The following FAF1 variants were observed in gnomAD, a reference collection of about 807,000 sequenced individuals.
FAF1 encodes the protein FAS-associated factor 1.
In FAF1, 25 loss-of-function variants were observed where a neutral mutation model predicts 92.5. The ratio of observed to expected loss-of-function variants is 0.27; its 90% CI spans 0.20 to 0.38. The LOEUF is 0.38. Among genes scored for constraint, FAF1 ranks in the 10% least tolerant of loss-of-function variants. FAF1 has a pLI of 1.00. For synonymous variants in FAF1, 234 were observed against 273.2 expected (o/e 0.86, Z 1.42); for missense variants, 636 against 793.3 (o/e 0.80, Z 2.38).
intron 17 of FAF1, among the ~76,000 whole-genome samples, chr1:50,487,917 T>C (rs756570836): frequency 1.4e-4 from 21 of 152,206 alleles, no homozygotes; most frequent in Non-Finnish European, 1.3e-4. Flanking sequence ...ATATAATCTT[T>C]CTGGGTCTCA....
At chr1:50,955,227 T>G (rs536585072) in intron 1 of FAF1, among the ~76,000 whole-genome samples, 2 of 152,212 alleles carry the variant, frequency 1.3e-5, no homozygotes, top group Admixed American at 1.3e-4. Flanking sequence ...AGTTATTCTA[T>G]AGTTACAAAA....
At chr1:50,627,265 A>AT (rs1653547987) in intron 8 of FAF1, among the ~76,000 whole-genome samples, 1 of 152,178 alleles carries the variant, frequency 6.6e-6, no homozygotes, top group Non-Finnish European at 1.5e-5. Flanking sequence ...TGAGTCTTAA[A>AT]GAACTCCTAT....
intron 18 of FAF1, chr1:50,452,024 G>A: frequency 7.8e-7 from 1 of 1,276,042 alleles, no homozygotes; most frequent in East Asian, 4.8e-5. Context: ...GACAATATAA[G>A]TGGGGAAGGC....
chr1:50,551,887 C>T (rs12071516), intron 13 of FAF1, among the ~76,000 whole-genome samples: 7,718 of 152,212 alleles, frequency 0.051, 644 homozygotes, highest in African/African-American at 0.17. Context: ...AAATAAAATA[C>T]TTACATGTAG....
At chr1:50,953,437 A>G (rs1410617355) in intron 1 of FAF1, among the ~76,000 whole-genome samples, 2 of 151,518 alleles carry the variant, frequency 1.3e-5, no homozygotes, top group Admixed American at 6.6e-5. Context: ...TTAAAAAAAG[A>G]AAAAAAAGAA....
In FAF1 at chr1:50,626,633, T is replaced by G. The variant is rs577403355; in HGVS notation, c.744+28809A>C. 6.6e-5 allele frequency among the ~76,000 whole-genome samples: 10 copies of G among 152,244 alleles called. No individual in the cohort carries two copies. The East Asian group carries it at 1.7e-3, about 26-fold the overall frequency. On this transcript the variant is annotated intron_variant, in intron 8 of 18. Coordinates refer to ENST00000396153, the MANE Select transcript of FAF1 (RefSeq NM_007051.3). The stretch of plus-strand genomic sequence containing the variant: ...AGCAAGAATCAGACTATGCAGTGCC[T>G]GGTTAGTCATATTAAGGGGTCCGGT...
In FAF1 at chr1:50,836,170, G is replaced by GTTTTTTTTTTTTTTTTTTTTTTTTTT. The variant is rs36053491; in HGVS notation, c.114+21758_114+21759insAAAAAAAAAAAAAAAAAAAAAAAAAA. Among the ~76,000 whole-genome samples, 22 of 98,522 alleles carry GTTTTTTTTTTTTTTTTTTTTTTTTTT rather than the reference G, an allele frequency of 2.2e-4. 1 individual carries two copies. Among genetic ancestry groups the GTTTTTTTTTTTTTTTTTTTTTTTTTT allele is most frequent in the African/African-American group, 4.7e-4 (11 of 23,468 alleles). The allele number at this position is 98,522 out of a possible 152,430, so 64.6% of individuals were successfully genotyped here. ...GTGTGTGTTTTTGTTTTTTGTTTCTGTTTTTTTTTTTTTTTTTTTAGACAG... is the reference window on the plus strand; with the variant it reads ...GTGTGTGTTTTTGTTTTTTGTTTCTGTTTTTTTTTTTTTTTTTTTTTTTTTTTTTTTTTTTTTTTTTTTTTAGACAG... On this transcript the variant is annotated intron_variant, in intron 2 of 18. Transcript: ENST00000396153.
intron 8 of FAF1, among the ~76,000 whole-genome samples, chr1:50,646,414 A>G (rs1354633467): frequency 6.6e-6 from 1 of 152,226 alleles, no homozygotes; most frequent in Admixed American, 6.5e-5. Flanking sequence ...ATACTCATAC[A>G]AATCGATCCT....
At chr1:50,756,631 T>A (rs892169548) in intron 4 of FAF1, among the ~76,000 whole-genome samples, 1 of 152,186 alleles carries the variant, frequency 6.6e-6, no homozygotes, top group African/African-American at 2.4e-5. Flanking sequence ...ACGCTGCTGA[T>A]AAAGACATAC....
chr1:50,699,420 A>G (rs1400853017), intron 7 of FAF1, among the ~76,000 whole-genome samples: 1 of 152,088 alleles, frequency 6.6e-6, no homozygotes, highest in African/African-American at 2.4e-5. Flanking sequence ...ATATTGTTTG[A>G]AAGCATATTC....
At chr1:50,446,356 A>C (rs530003387) in intron 18 of FAF1, among the ~76,000 whole-genome samples, 1 of 152,322 alleles carries the variant, frequency 6.6e-6, no homozygotes, top group South Asian at 2.1e-4. Context: ...TAAAAATCCC[A>C]AATATTTCAA....
intron 6 of FAF1, among the ~76,000 whole-genome samples, chr1:50,732,846 G>A (rs777010144): frequency 1.4e-4 from 21 of 149,558 alleles, no homozygotes; most frequent in South Asian, 2.1e-4. Flanking sequence ...TATTGACTGA[G>A]TTCCTCATTC....
At chr1:50,780,887 C>T (rs922451447) in intron 4 of FAF1, 15 of 478,882 alleles carry the variant, frequency 3.1e-5, no homozygotes, top group Admixed American at 3.1e-4. Context: ...GTGGTGGAAG[C>T]CAAACACATG....
intron 2 of FAF1, among the ~76,000 whole-genome samples, chr1:50,824,848 A>G (rs1369158851): frequency 6.6e-6 from 1 of 152,156 alleles, no homozygotes; most frequent in East Asian, 1.9e-4. Context: ...AGCCAGGTAC[A>G]AGGAGACAAA....
chr1:50,867,299 C>A (rs1644489370), intron 1 of FAF1, among the ~76,000 whole-genome samples: 1 of 152,118 alleles, frequency 6.6e-6, no homozygotes, highest in Admixed American at 6.6e-5. Context: ...ACCAAGAACA[C>A]AAAAGCAAAT....
chr1:50,895,624 A>G (rs567338975), intron 1 of FAF1, among the ~76,000 whole-genome samples: 43 of 152,330 alleles, frequency 2.8e-4, no homozygotes, highest in African/African-American at 1.0e-3. Context: ...CCTGATGAAC[A>G]TTGACGCAAA....
intron 1 of FAF1, among the ~76,000 whole-genome samples, chr1:50,922,458 C>A (rs1400331948): frequency 2.2e-3 from 81 of 37,266 alleles, no homozygotes; most frequent in Admixed American, 2.5e-3. Context: ...GACTCTGCCT[C>A]AAAAAAAAAA....
At chr1:50,797,585 G>A (rs1661811120) in intron 3 of FAF1, among the ~76,000 whole-genome samples, 1 of 152,104 alleles carries the variant, frequency 6.6e-6, no homozygotes, top group African/African-American at 2.4e-5. Context: ...TACAGTCCCA[G>A]CTACTCAGGG....
At chr1:50,645,980 T>G (rs1359218215) in intron 8 of FAF1, among the ~76,000 whole-genome samples, 1 of 152,224 alleles carries the variant, frequency 6.6e-6, no homozygotes, top group African/African-American at 2.4e-5. Context: ...ATATTAGATA[T>G]AATTGTATGA....
Sources: gnomAD v4.1 joint callset for allele counts (sites outside exome capture counted in the v4.1 genomes callset) on GRCh38, gnomAD v4.1.1 for gene constraint, MANE v1.5 for transcripts, NCBI Gene and HGNC (gene_info 2026-07-23, HGNC 2026-07-21) for gene names.